The following SNX5 variants were observed in gnomAD, a reference collection of about 807,000 sequenced individuals.
The protein encoded by SNX5 is sorting nexin-5.
A neutral mutation model predicts 53.9 loss-of-function variants in SNX5; 31 were observed. That is an observed-to-expected ratio of 0.58 (90% CI 0.43 to 0.78). The LOEUF is 0.78. Among genes scored for constraint, SNX5 ranks in the 30% least tolerant of loss-of-function variants. SNX5 has a pLI of 0.00. For missense variants in SNX5, 471 were observed against 478.8 expected, an observed-to-expected ratio of 0.98 and a Z score of 0.15; for synonymous variants, 168 against 171.1, an observed-to-expected ratio of 0.98 and a Z score of 0.14.
intron 3 of SNX5, among the ~76,000 whole-genome samples, chr20:17,955,125 A>G (rs1005759743): frequency 1.3e-5 from 2 of 152,348 alleles, no homozygotes; most frequent in African/African-American, 4.8e-5. Context: ...AGGTAAGACT[A>G]AAGTCATTAC....
intron 11 of SNX5, 156 bp downstream of exon 11, chr20:17,947,330 G>A (rs1323837198): frequency 2.8e-6 from 2 of 712,498 alleles, no homozygotes; most frequent in South Asian, 2.0e-5. Flanking sequence ...GCAAAGCCAT[G>A]AGGATGACTG....
intron 4 of SNX5, among the ~76,000 whole-genome samples, chr20:17,953,202 C>T (rs1475174575): frequency 6.6e-6 from 1 of 152,152 alleles, no homozygotes; most frequent in African/African-American, 2.4e-5. Context: ...CCGAGAGCCA[C>T]TCAAGTGTGT....
chr20:17,947,700 T>G (rs1250293206), intron 10 of SNX5, 55 bp from the exon 11 acceptor site: 1 of 1,480,820 alleles, frequency 6.8e-7, no homozygotes, highest in East Asian at 2.4e-5. Flanking sequence ...GTCTAAAAAA[T>G]AGCCCAAGTG....
chr20:17,961,694 C>T (rs1294426487), intron 1 of SNX5: 17 of 985,010 alleles, frequency 1.7e-5, no homozygotes, highest in Non-Finnish European at 2.0e-5. Flanking sequence ...GCAGCACATG[C>T]TACAGTGTCT....
intron 6 of SNX5, 131 bp from the exon 7 acceptor site, chr20:17,950,527 G>T (rs945990829): frequency 3.4e-6 from 2 of 596,468 alleles, no homozygotes; most frequent in Non-Finnish European, 5.9e-6. Context: ...AACCTCTACA[G>T]ATCAGGGAAT....
chr20:17,945,917 GAT>G (rs1287418787), intron 11 of SNX5, among the ~76,000 whole-genome samples: 1 of 152,190 alleles, frequency 6.6e-6, no homozygotes, highest in Non-Finnish European at 1.5e-5. Context: ...AACTAAGTAA[GAT>G]ATGAATTTTT....
chr20:17,963,000 C>G, intron 1 of SNX5: 1 of 444,836 alleles, frequency 2.2e-6, no homozygotes, highest in Non-Finnish European at 4.5e-6. Flanking sequence ...AGTTAAATTA[C>G]TGCCTTAAAT....
chr20:17,963,256 G>T (rs1402301676), intron 1 of SNX5, among the ~76,000 whole-genome samples: 2 of 152,134 alleles, frequency 1.3e-5, no homozygotes, highest in East Asian at 3.9e-4. Flanking sequence ...GAGGCAGGAG[G>T]ATCGCCCGCG....
At chr20:17,967,574 C>T (rs2035568917) in intron 1 of SNX5, 1 of 152,406 alleles carries the variant, frequency 6.6e-6, no homozygotes, top group African/African-American at 2.4e-5. Flanking sequence ...GGTTCTTTTT[C>T]ATCGGTCAGA....
At position 17,954,090 on chromosome 20, in the gene SNX5, A is replaced by G. The variant is rs2035311622; in HGVS notation, c.295T>C (p.Phe99Leu). 6.2e-7 allele frequency: 1 copy of G among 1,613,772 alleles called. No individual in the cohort carries two copies. The highest frequency in any genetic ancestry group is 8.5e-7 in the Non-Finnish European group (1 of 1,179,822). The change falls in exon 4 of 13, where the codon TTT (phenylalanine) becomes CTT (leucine). Residue 99 changes from phenylalanine (F) to leucine (L), a missense_variant. By Grantham distance (22) the Phe-to-Leu change is conservative. Coordinates refer to ENST00000377759, the MANE Select transcript of SNX5 (RefSeq NM_014426.4). The stretch of plus-strand genomic sequence containing the variant: ...TGCATCTTCTCTCGAGGACCATCAA[A>G]GTCGGGCTTCGTAGGAGCAGGTGGA... Reference protein sequence around the residue: ...IIPPAPTKPDFDGPREKMQKL... With the variant: ...IIPPAPTKPDLDGPREKMQKL...
rs1169772817 is a variant in SNX5 at position 17,968,488 on chromosome 20, G to A, written c.-63C>T. 4 of 1,274,132 alleles carry A rather than the reference G, an allele frequency of 3.1e-6. No homozygotes were observed. Among genetic ancestry groups the A allele is most frequent in the Non-Finnish European group, 3.0e-6 (3 of 1,004,678 alleles). 78.9% of individuals were successfully genotyped at this position (1,274,132 alleles called of 1,614,324 possible). ...CGAGGAAAGAAGAAGCTGGGCCGCC[G>A]CCGCCGCCGCCTGGGCGCCTCTCGG... On this transcript the variant is annotated 5_prime_UTR_variant, in exon 1 of 13. Coordinates refer to ENST00000377759, the MANE Select transcript of SNX5 (RefSeq NM_014426.4).
At chr20:17,954,673 A>G (rs1032280032) in intron 3 of SNX5, among the ~76,000 whole-genome samples, 2 of 152,214 alleles carry the variant, frequency 1.3e-5, no homozygotes, top group Non-Finnish European at 2.9e-5. Flanking sequence ...CCTGCCGCCA[A>G]GAAATAACAA....
rs11471715 is a variant in SNX5 at position 17,967,343 on chromosome 20, C to CAAA, written c.51+1029_51+1031dup. Among the ~76,000 whole-genome samples, 732 of 146,720 alleles carry CAAA rather than the reference C, an allele frequency of 5.0e-3. 5 individuals are homozygous for CAAA. Among genetic ancestry groups the CAAA allele is most frequent in the East Asian group, 0.015 (78 of 5,070 alleles). ...CTTTGTTTTAGTAATAAAGAACTTT[C>CAAA]AAAAAAAAAACCACTCTAAACAACA... On this transcript the variant is annotated intron_variant, in intron 1 of 12. Transcript: ENST00000377759.
intron 1 of SNX5, among the ~76,000 whole-genome samples, chr20:17,966,384 C>CAA (rs57885295): frequency 1.2e-3 from 146 of 125,604 alleles, no homozygotes; most frequent in African/African-American, 4.1e-3. Flanking sequence ...GACTCCGTCT[C>CAA]AAAAAAAAAA....
intron 8 of SNX5, among the ~76,000 whole-genome samples, chr20:17,949,691 A>C (rs979881501): frequency 6.6e-5 from 10 of 152,118 alleles, no homozygotes; most frequent in African/African-American, 2.2e-4. Context: ...TATTCTCATG[A>C]CCACTATAAC....
At chr20:17,960,764 G>A (rs1399160851) in intron 1 of SNX5, among the ~76,000 whole-genome samples, 1 of 136,060 alleles carries the variant, frequency 7.3e-6, no homozygotes. Context: ...GCAACAGAGC[G>A]AGTCTCCAAA....
chr20:17,955,775 T>C (rs1246650420), intron 2 of SNX5, among the ~76,000 whole-genome samples: 1 of 152,010 alleles, frequency 6.6e-6, no homozygotes, highest in African/African-American at 2.4e-5. Context: ...TTTTTGTTTC[T>C]GTGTACTTTT....
At position 17,957,030 on chromosome 20, in the gene SNX5, G is replaced by GCAAAAAATGT; in HGVS notation, c.58_59insACATTTTTTG (p.Ser20TyrfsTer12). Reference sequence around the variant, plus strand: ...ATCAACATTCAGGTCCACAGATACAGATCTCAGCTGAAATACATTTTTTGC... The same window carrying GCAAAAAATGT: ...ATCAACATTCAGGTCCACAGATACAGCAAAAAATGTATCTCAGCTGAAATACATTTTTTGC... On this transcript the variant is annotated frameshift_variant, in exon 2 of 13. Transcript: ENST00000377759. LOFTEE classifies it high-confidence loss of function. 6.3e-7 allele frequency: 1 copy of GCAAAAAATGT among 1,576,496 alleles called. No individual in the cohort carries two copies. The highest frequency in any genetic ancestry group is 1.7e-5 in the Admixed American group (1 of 59,954).
chr20:17,948,725 C>T (rs2039521778), intron 10 of SNX5, among the ~76,000 whole-genome samples, 165 bp downstream of exon 10: 1 of 152,226 alleles, frequency 6.6e-6, no homozygotes, highest in Admixed American at 6.5e-5. Flanking sequence ...ACAACCCATA[C>T]AGTGCTGTCA....
Sources: allele counts gnomAD v4.1 joint callset (sites outside exome capture counted in the v4.1 genomes callset), GRCh38; gene constraint gnomAD v4.1.1; transcripts MANE v1.5; gene names NCBI Gene and HGNC (gene_info 2026-07-23, HGNC 2026-07-21).